IQCM: variants seen among roughly 807,000 people sequenced by gnomAD.
IQCM encodes IQ motif containing M.
In IQCM, 45 loss-of-function variants were observed where a neutral mutation model predicts 57.6. The ratio of observed to expected loss-of-function variants is 0.78; its 90% CI spans 0.62 to 1.00. The LOEUF (loss-of-function observed/expected upper bound fraction) is 1.00, where lower values mean the gene tolerates loss of function less well. IQCM is among the 50% of genes least tolerant of loss of function. The probability of loss-of-function intolerance (pLI) is 0.00; values close to 1 mark genes in which losing one functional copy is unlikely to be tolerated. For missense variants in IQCM, 468 were observed against 511.6 expected, an observed-to-expected ratio of 0.91 and a Z score of 0.82; for synonymous variants, 148 against 158.9, an observed-to-expected ratio of 0.93 and a Z score of 0.51.
chr4:149,750,108 A>T (rs1320896968), intron 2 of IQCM, among the ~76,000 whole-genome samples: 3 of 152,202 alleles, frequency 2.0e-5, no homozygotes, highest in African/African-American at 7.2e-5. Flanking sequence ...AATTTTTGTA[A>T]TGTGACTAAT....
At chr4:149,725,744 G>C (rs1196439270) in intron 5 of IQCM, among the ~76,000 whole-genome samples, 4 of 152,148 alleles carry the variant, frequency 2.6e-5, no homozygotes, top group East Asian at 3.9e-4. Context: ...CTCAGAACTA[G>C]TCTTCTCACT....
intron 13 of IQCM, among the ~76,000 whole-genome samples, chr4:149,406,389 T>G (rs905212879): frequency 1.3e-5 from 2 of 151,958 alleles, no homozygotes; most frequent in African/African-American, 4.8e-5. Context: ...ATCTGAAGAA[T>G]GAATAGAATA....
chr4:149,687,943 C>T (rs1762666215), intron 5 of IQCM, among the ~76,000 whole-genome samples: 1 of 151,882 alleles, frequency 6.6e-6, no homozygotes, highest in African/African-American at 2.4e-5. Flanking sequence ...ATACAAGGGA[C>T]ATACCTCAAT....
intron 13 of IQCM, among the ~76,000 whole-genome samples, chr4:149,431,454 T>A (rs972942617): frequency 6.6e-6 from 1 of 151,988 alleles, no homozygotes; most frequent in Non-Finnish European, 1.5e-5. Context: ...TTTGGCCATT[T>A]ATATAAATGC....
chr4:149,724,803 C>T (rs1260595865), intron 5 of IQCM, among the ~76,000 whole-genome samples: 1 of 151,766 alleles, frequency 6.6e-6, no homozygotes. Flanking sequence ...ACTACATGGA[C>T]AAGACAATAC....
At chr4:149,743,515 GA>G (rs1767651139) in intron 2 of IQCM, among the ~76,000 whole-genome samples, 1 of 152,092 alleles carries the variant, frequency 6.6e-6, no homozygotes, top group Non-Finnish European at 1.5e-5. Flanking sequence ...CAAATGCCTT[GA>G]AAACAAAACT....
chr4:149,363,288 T>C (rs914871668), intron 13 of IQCM, among the ~76,000 whole-genome samples: 1 of 152,146 alleles, frequency 6.6e-6, no homozygotes, highest in African/African-American at 2.4e-5. Context: ...TCATCAGGCT[T>C]CCTGAGCTTC....
At chr4:149,534,502 A>G (rs1466597309) in intron 12 of IQCM, among the ~76,000 whole-genome samples, 1 of 152,120 alleles carries the variant, frequency 6.6e-6, no homozygotes, top group Non-Finnish European at 1.5e-5. Flanking sequence ...TGTCCTCTAT[A>G]TCCAAACCAC....
At chr4:149,560,451 A>G (rs1347272841) in intron 10 of IQCM, among the ~76,000 whole-genome samples, 2 of 152,184 alleles carry the variant, frequency 1.3e-5, no homozygotes, top group East Asian at 1.9e-4. Flanking sequence ...CTTTAAAATT[A>G]TAAATATTTA....
intron 12 of IQCM, among the ~76,000 whole-genome samples, chr4:149,482,019 G>T (rs570912569): frequency 4.3e-4 from 65 of 150,874 alleles, no homozygotes; most frequent in African/African-American, 1.3e-3. Context: ...TAATTCCTAG[G>T]TATTTAATTT....
At chr4:149,489,436 G>A (rs1741856292) in intron 12 of IQCM, among the ~76,000 whole-genome samples, 1 of 152,010 alleles carries the variant, frequency 6.6e-6, no homozygotes, top group South Asian at 2.1e-4. Context: ...CTCATTCAGT[G>A]AGGTATAGAA....
chr4:149,742,685 T>C lies in IQCM; in HGVS notation c.7A>G (p.Thr3Ala). 8.1e-7 allele frequency: 1 copy of C among 1,231,440 alleles called. No homozygotes were observed. The highest frequency in any genetic ancestry group is 1.0e-6 in the Non-Finnish European group (1 of 987,422). The allele number at this position is 1,231,440 out of a possible 1,614,324, so 76.3% of individuals were successfully genotyped here. The change falls in exon 3 of 14, where the codon ACT (threonine) becomes GCT (alanine). Residue 3 changes from threonine to alanine, a missense_variant. Thr to Ala is a moderately conservative substitution (Grantham distance 58). Transcript: ENST00000636793. MT[T>A]EEAMPEKAKC... is the part of the protein sequence containing the mutation. ...GCTTTTTCAGGCATAGCCTCTTCAG[T>C]AGTCATGAGGGGCAGTTAGAATGAT... is the stretch of plus-strand genomic sequence containing the variant.
In IQCM at chr4:149,540,722, T is replaced by G. The variant is rs983396373; in HGVS notation, c.1228+7733A>C. ...TGAAGAAGATAAATTGCCAAACACA[T>G]TTAACCAAATGTTAATGGAGGAACT... On this transcript the variant is annotated intron_variant, in intron 12 of 13. Transcript: ENST00000636793. Among the ~76,000 whole-genome samples, 5 of 152,210 alleles carry G rather than the reference T, an allele frequency of 3.3e-5. No individual in the cohort carries two copies. In the South Asian group the frequency reaches 1.0e-3, roughly 32 times the overall value.
chr4:149,708,519 A>G (rs967499240), intron 5 of IQCM, among the ~76,000 whole-genome samples: 1 of 152,046 alleles, frequency 6.6e-6, no homozygotes, highest in African/African-American at 2.4e-5. Context: ...TTCTATTATA[A>G]ACCATTATAT....
chr4:149,736,456 C>T (rs897554698), intron 3 of IQCM, among the ~76,000 whole-genome samples: 2 of 152,102 alleles, frequency 1.3e-5, no homozygotes, highest in Non-Finnish European at 2.9e-5. Context: ...TGGCTTCCTC[C>T]TCTTAACTCA....
chr4:149,650,544 C>A (rs566732505), intron 7 of IQCM, among the ~76,000 whole-genome samples: 1 of 152,162 alleles, frequency 6.6e-6, no homozygotes, highest in Admixed American at 6.5e-5. Context: ...AAGTACCTGC[C>A]ATGCCTGGCT....
chr4:149,578,473 T>TA (rs1751866527), intron 9 of IQCM, among the ~76,000 whole-genome samples: 1 of 151,770 alleles, frequency 6.6e-6, no homozygotes, highest in Admixed American at 6.6e-5. Context: ...AATTTTTATC[T>TA]ATGAAAAAGG....
At chr4:149,506,097 C>A (rs181400157) in intron 12 of IQCM, among the ~76,000 whole-genome samples, 10 of 152,146 alleles carry the variant, frequency 6.6e-5, no homozygotes, top group Admixed American at 2.6e-4. Context: ...GTGAATCAGC[C>A]TTTCCTCTTT....
intron 7 of IQCM, among the ~76,000 whole-genome samples, chr4:149,637,025 C>T (rs1038463329): frequency 5.3e-5 from 8 of 151,358 alleles, no homozygotes; most frequent in African/African-American, 1.9e-4. Context: ...CGCCTGTAGT[C>T]CCAGCTACTC....
Sources: gnomAD v4.1 joint callset for allele counts (sites outside exome capture counted in the v4.1 genomes callset) on GRCh38, gnomAD v4.1.1 for gene constraint, MANE v1.5 for transcripts, NCBI Gene and HGNC (gene_info 2026-07-23, HGNC 2026-07-21) for gene names.